Variants in TIAM1 observed in about 807,000 individuals in gnomAD.
TIAM1 encodes TIAM Rac1 associated GEF 1, also known as rho guanine nucleotide exchange factor TIAM1.
TIAM1 carries 65 observed loss-of-function variants against 163.5 expected under a neutral mutation model. That is an observed-to-expected ratio of 0.40 (90% CI 0.33 to 0.49). The LOEUF is 0.49. TIAM1 is among the 20% of genes least tolerant of loss of function. The probability of loss-of-function intolerance (pLI) is 0.77; values close to 1 mark genes in which losing one functional copy is unlikely to be tolerated. For synonymous variants in TIAM1, 833 were observed against 810.1 expected, an observed-to-expected ratio of 1.03 and a Z score of -0.48; for missense variants, 1,789 against 2,044.7, an observed-to-expected ratio of 0.87 and a Z score of 2.41.
chr21:31,252,266 C>T (rs1367633041), intron 4 of TIAM1, 77 bp from the exon 5 acceptor site: 2 of 1,482,992 alleles, frequency 1.3e-6, no homozygotes, highest in Non-Finnish European at 1.8e-6. Flanking sequence ...GAGAAGAGCC[C>T]TGGGTCCAGC....
At position 31,320,109 on chromosome 21, in the gene TIAM1, T is replaced by C. The variant is rs182634433; in HGVS notation, c.-189+19134A>G. On this transcript the variant is annotated intron_variant, in intron 2 of 27. Coordinates refer to ENST00000541036, the MANE Select transcript of TIAM1 (RefSeq NM_001353694.2). The stretch of plus-strand genomic sequence containing the variant: ...ATATACACCTATGCTTACATGTATA[T>C]AAACATATATATAAAAGATACATAT... Among the ~76,000 whole-genome samples the C allele has an allele frequency of 3.7e-3, 556 of 152,198 alleles. 4 individuals are homozygous for C. The highest frequency in any genetic ancestry group is 0.013 in the African/African-American group (524 of 41,504).
intron 6 of TIAM1, among the ~76,000 whole-genome samples, chr21:31,238,581 G>T (rs914119583): frequency 6.6e-6 from 1 of 152,110 alleles, no homozygotes; most frequent in East Asian, 1.9e-4. Flanking sequence ...TCCACTTGAG[G>T]GTTAAAAAAA....
intron 2 of TIAM1, among the ~76,000 whole-genome samples, chr21:31,299,151 C>T (rs1443145839): frequency 6.6e-6 from 1 of 152,102 alleles, no homozygotes; most frequent in Non-Finnish European, 1.5e-5. Flanking sequence ...CATCCAAAAA[C>T]CTTTAAGACA....
At chr21:31,223,087 G>T (rs55960938) in intron 8 of TIAM1, among the ~76,000 whole-genome samples, 18,540 of 151,990 alleles carry the variant, frequency 0.12, 3,598 homozygotes, top group African/African-American at 0.41. Flanking sequence ...TAAAAAATAT[G>T]TATTTGGGTT....
chr21:31,155,963 C>T (rs2083607588), intron 16 of TIAM1, among the ~76,000 whole-genome samples: 1 of 152,202 alleles, frequency 6.6e-6, no homozygotes, highest in African/African-American at 2.4e-5. Flanking sequence ...TGAGAATACC[C>T]TCCCAAAAAC....
chr21:31,186,935 T>C, intron 14 of TIAM1, 66 bp downstream of exon 14: 3 of 1,384,028 alleles, frequency 2.2e-6, no homozygotes, highest in Non-Finnish European at 3.1e-6. Context: ...TCTTTCTCCT[T>C]CAAAAACTAG....
intron 2 of TIAM1, 26 bp from the exon 3 acceptor site, chr21:31,276,934 T>C (rs966879901): frequency 5.3e-5 from 8 of 152,004 alleles, no homozygotes; most frequent in African/African-American, 1.9e-4. Flanking sequence ...TCAGAGGAGA[T>C]AGAAAAACAG....
At chr21:31,189,083 C>G (rs1016411633) in intron 13 of TIAM1, among the ~76,000 whole-genome samples, 1 of 97,758 alleles carries the variant, frequency 1.0e-5, no homozygotes, top group Non-Finnish European at 1.9e-5. Flanking sequence ...GAGATGGAGT[C>G]TCATTCTGTT....
chr21:31,484,249 C>T (rs2046203140), intron 1 of TIAM1, among the ~76,000 whole-genome samples: 1 of 152,180 alleles, frequency 6.6e-6, no homozygotes. Context: ...TGAAGACACC[C>T]ACTAAGAACA....
chr21:31,335,474 G>A (rs575120328), intron 2 of TIAM1, among the ~76,000 whole-genome samples: 1 of 152,254 alleles, frequency 6.6e-6, no homozygotes, highest in Admixed American at 6.5e-5. Flanking sequence ...GGAGGCCAAG[G>A]CAGGTGGATC....
intron 15 of TIAM1, among the ~76,000 whole-genome samples, chr21:31,178,562 T>C (rs2084874627): frequency 6.6e-6 from 1 of 152,048 alleles, no homozygotes; most frequent in African/African-American, 2.4e-5. Context: ...TGCCTCGGCC[T>C]CCCGAAGTGC....
intron 1 of TIAM1, among the ~76,000 whole-genome samples, chr21:31,526,011 G>A (rs950428752): frequency 6.7e-6 from 1 of 149,282 alleles, no homozygotes; most frequent in Non-Finnish European, 1.5e-5. Flanking sequence ...TCAAGCCTGG[G>A]TGGCAGAGCA....
chr21:31,137,183 C>T (rs909483064), intron 22 of TIAM1, among the ~76,000 whole-genome samples: 22 of 152,206 alleles, frequency 1.4e-4, no homozygotes, highest in Admixed American at 8.5e-4. Context: ...AGCAACCTGG[C>T]GACCCGCCAC....
At chr21:31,491,011 A>G (rs1188800998) in intron 1 of TIAM1, among the ~76,000 whole-genome samples, 1 of 152,154 alleles carries the variant, frequency 6.6e-6, no homozygotes, top group Non-Finnish European at 1.5e-5. Flanking sequence ...TGTAATCCCA[A>G]CTACTCCAGA....
chr21:31,135,935 A>T lies in TIAM1; in HGVS notation c.3881T>A (p.Phe1294Tyr). 6.2e-7 allele frequency: 1 copy of T among 1,614,136 alleles called. No homozygotes were observed. Among genetic ancestry groups the T allele is most frequent in the Non-Finnish European group, 8.5e-7 (1 of 1,179,976 alleles). The change falls in exon 23 of 28, where the codon TTC (phenylalanine) becomes TAC (tyrosine). Residue 1294 changes from phenylalanine to tyrosine, a missense_variant and splice_region_variant. Transcript: ENST00000541036. ...KWKKEPELAA[F>Y]VFKTAVVLVY... Reference sequence around the variant, plus strand: ...TAAAACGCTTTTCTGATACACACCGAATGCTGCCAACTCTGGTTCCTTTTT... The same window carrying T: ...TAAAACGCTTTTCTGATACACACCGTATGCTGCCAACTCTGGTTCCTTTTT...
chr21:31,263,570 C>A (rs2072595463), intron 4 of TIAM1, among the ~76,000 whole-genome samples: 1 of 152,064 alleles, frequency 6.6e-6, no homozygotes, highest in Non-Finnish European at 1.5e-5. Flanking sequence ...CTTTGCTTTG[C>A]CCATTTTCTG....
intron 2 of TIAM1, among the ~76,000 whole-genome samples, chr21:31,454,471 C>T (rs538124855): frequency 6.6e-6 from 1 of 152,256 alleles, no homozygotes; most frequent in South Asian, 2.1e-4. Context: ...AGTCTTAACA[C>T]GGGCCAGAGC....
At chr21:31,375,818 G>A (rs979351244) in intron 2 of TIAM1, among the ~76,000 whole-genome samples, 1 of 151,974 alleles carries the variant, frequency 6.6e-6, no homozygotes, top group African/African-American at 2.4e-5. Context: ...CACAAGGTCA[G>A]GAGTTCGAGA....
chr21:31,171,933 C>A (rs534417331), intron 15 of TIAM1, among the ~76,000 whole-genome samples: 1 of 152,318 alleles, frequency 6.6e-6, no homozygotes, highest in South Asian at 2.1e-4. Flanking sequence ...AACCCTCCAG[C>A]CCCAGTCAGA....
Sources: gnomAD v4.1 joint callset for allele counts (sites outside exome capture counted in the v4.1 genomes callset) on GRCh38, gnomAD v4.1.1 for gene constraint, MANE v1.5 for transcripts, NCBI Gene and HGNC (gene_info 2026-07-23, HGNC 2026-07-21) for gene names.